Variants in NOX3 observed in about 807,000 individuals in gnomAD.
The protein encoded by NOX3 is NADPH oxidase catalytic subunit-like 3.
NOX3 carries 74 observed loss-of-function variants against 76.7 expected under a neutral mutation model. That is an observed-to-expected ratio of 0.96 (90% confidence interval 0.80 to 1.17). NOX3 has a LOEUF of 1.17. Among genes scored for constraint, NOX3 ranks in the 50% most tolerant of loss-of-function variants. The pLI is 0.00. For missense variants in NOX3, 695 were observed against 703.3 expected, an observed-to-expected ratio of 0.99 and a Z score of 0.13; for synonymous variants, 263 against 261.1, an observed-to-expected ratio of 1.01 and a Z score of -0.07.
At chr6:155,443,543 G>C (rs1490353737) in intron 4 of NOX3, 125 bp from the exon 5 acceptor site, 1 of 1,166,190 alleles carries the variant, frequency 8.6e-7, no homozygotes, top group Non-Finnish European at 1.2e-6. Context: ...AAGGAAAAGT[G>C]ATGTATTTAC....
At chr6:155,452,576 C>T (rs527737581) in intron 4 of NOX3, among the ~76,000 whole-genome samples, 4 of 152,212 alleles carry the variant, frequency 2.6e-5, no homozygotes, top group Middle Eastern at 6.8e-3. Flanking sequence ...ACTCGGGCAC[C>T]GTCTGTCATG....
At chr6:155,409,191 T>C (rs1292216297) in intron 11 of NOX3, among the ~76,000 whole-genome samples, 1 of 152,042 alleles carries the variant, frequency 6.6e-6, no homozygotes, top group Non-Finnish European at 1.5e-5. Context: ...AGTTGGGGTA[T>C]AGGACTCCGA....
chr6:155,452,153 C>T (rs1777153595), intron 4 of NOX3, among the ~76,000 whole-genome samples: 1 of 152,160 alleles, frequency 6.6e-6, no homozygotes. Context: ...GCGATCTGGT[C>T]TCTGTTTGGA....
intron 9 of NOX3, among the ~76,000 whole-genome samples, chr6:155,428,232 C>G (rs1285660721): frequency 6.6e-6 from 1 of 152,182 alleles, no homozygotes; most frequent in African/African-American, 2.4e-5. Flanking sequence ...AGTGTGTCCC[C>G]CATTGATATG....
At position 155,454,935 on chromosome 6, in the gene NOX3, A is replaced by G. The variant is rs753022728; in HGVS notation, c.145-14T>C. The G allele has an allele frequency of 1.3e-6, 2 of 1,599,700 alleles. No individual in the cohort carries two copies. Among genetic ancestry groups the G allele is most frequent in the Non-Finnish European group, 1.7e-6 (2 of 1,169,460 alleles). On this transcript the variant is annotated splice_polypyrimidine_tract_variant and intron_variant, in intron 2 of 13. Coordinates refer to ENST00000159060, the MANE Select transcript of NOX3 (RefSeq NM_015718.3). ...AGCCAGTGTTGACTGTCCACATGTAAAGACATAAAAAAGAGATTCAGGGAA... is the reference window on the plus strand; with the variant it reads ...AGCCAGTGTTGACTGTCCACATGTAGAGACATAAAAAAGAGATTCAGGGAA...
chr6:155,444,673 A>G (rs2114706116), intron 4 of NOX3, among the ~76,000 whole-genome samples: 1 of 152,354 alleles, frequency 6.6e-6, no homozygotes, highest in Non-Finnish European at 1.5e-5. Context: ...TGCAAAAGTT[A>G]CAGCCACAAT....
intron 12 of NOX3, among the ~76,000 whole-genome samples, chr6:155,400,208 C>G (rs1453807830): frequency 6.6e-6 from 1 of 152,196 alleles, no homozygotes; most frequent in African/African-American, 2.4e-5. Flanking sequence ...GAGATTTCAG[C>G]CCAGCAGATA....
At position 155,407,176 on chromosome 6, in the gene NOX3, G is replaced by A. The variant is rs202119099; in HGVS notation, c.1534C>T (p.Pro512Ser). 1.9e-6 allele frequency: 3 copies of A among 1,613,970 alleles called. No homozygotes were observed. Among genetic ancestry groups the A allele is most frequent in the East Asian group, 2.2e-5 (1 of 44,884 alleles). The change falls in exon 12 of 14, where the codon CCC (proline) becomes TCC (serine). Residue 512 changes from proline to serine, a missense_variant. Physicochemically the swap from Pro to Ser is moderately conservative, Grantham distance 74. Coordinates refer to ENST00000159060, the MANE Select transcript of NOX3 (RefSeq NM_015718.3). ...GLKQKTFYGR[P>S]NWNNEFKQIA... is the part of the protein sequence containing the mutation. ...TGCTTGAACTCATTGTTCCAGTTGG[G>A]CCTCCCATAGAAGGTCTTCTGCTTT...
chr6:155,417,900 G>A (rs1415123924), intron 10 of NOX3, among the ~76,000 whole-genome samples: 2 of 152,044 alleles, frequency 1.3e-5, no homozygotes, highest in East Asian at 3.9e-4. Flanking sequence ...AGGCCATTTT[G>A]CATGGGACAC....
chr6:155,442,665 G>T (rs968302385), intron 5 of NOX3, among the ~76,000 whole-genome samples: 8 of 152,190 alleles, frequency 5.3e-5, no homozygotes, highest in African/African-American at 1.9e-4. Context: ...AGATTGCTGT[G>T]GCTACATTTT....
Position 155,422,691 on chromosome 6 carries a change from T to C in NOX3, c.1308+3A>G. 5 of 1,613,636 alleles carry C rather than the reference T, an allele frequency of 3.1e-6. No homozygotes were observed. Among genetic ancestry groups the C allele is most frequent in the South Asian group, 1.1e-5 (1 of 91,016 alleles). ...GAAGGGTGAACTAATGATTTTTCCG[T>C]ACCTTGCTCAGCTTCAGTGGGGTCT... is the stretch of plus-strand genomic sequence containing the variant. On this transcript the variant is annotated splice_donor_region_variant and intron_variant, in intron 10 of 13. Transcript: ENST00000159060.
intron 9 of NOX3, among the ~76,000 whole-genome samples, chr6:155,426,803 A>G (rs1330019230): frequency 6.6e-6 from 1 of 152,166 alleles, no homozygotes; most frequent in Non-Finnish European, 1.5e-5. Context: ...AGTAACCAGT[A>G]CTGAGTTCTT....
At chr6:155,397,492 A>T (rs1779155252) in intron 12 of NOX3, among the ~76,000 whole-genome samples, 1 of 152,192 alleles carries the variant, frequency 6.6e-6, no homozygotes, top group Admixed American at 6.5e-5. Flanking sequence ...GGTCTGTTTT[A>T]TTCCAGCACC....
At chr6:155,448,645 A>G (rs1777095566) in intron 4 of NOX3, among the ~76,000 whole-genome samples, 1 of 151,026 alleles carries the variant, frequency 6.6e-6, no homozygotes, top group Non-Finnish European at 1.5e-5. Context: ...GTGAACCAAA[A>G]AAAAAAAAAA....
intron 4 of NOX3, among the ~76,000 whole-genome samples, chr6:155,451,611 C>T (rs1410297590): frequency 6.6e-6 from 1 of 151,948 alleles, no homozygotes; most frequent in Non-Finnish European, 1.5e-5. Flanking sequence ...TTATTCTTTG[C>T]TTTCTTTTCT....
At chr6:155,450,197 T>A (rs1324868162) in intron 4 of NOX3, among the ~76,000 whole-genome samples, 1 of 151,746 alleles carries the variant, frequency 6.6e-6, no homozygotes, top group Non-Finnish European at 1.5e-5. Flanking sequence ...AGCAGTGGGG[T>A]TCAGGAGGAA....
intron 12 of NOX3, among the ~76,000 whole-genome samples, chr6:155,404,384 G>A (rs1776418955): frequency 6.6e-6 from 1 of 152,032 alleles, no homozygotes; most frequent in African/African-American, 2.4e-5. Context: ...AGCCAGGATG[G>A]GTTGGAAGCA....
chr6:155,428,148 G>A (rs1451933713), intron 9 of NOX3, among the ~76,000 whole-genome samples: 5 of 152,208 alleles, frequency 3.3e-5, no homozygotes, highest in East Asian at 1.9e-4. Flanking sequence ...TGATCCGCCC[G>A]CCTTGGCTTC....
chr6:155,437,879 T>A (rs1225799305), intron 6 of NOX3, among the ~76,000 whole-genome samples: 1 of 152,216 alleles, frequency 6.6e-6, no homozygotes, highest in Non-Finnish European at 1.5e-5. Flanking sequence ...GTGTAGAATT[T>A]GCAAATTGCT....
Sources: gnomAD v4.1 joint callset for allele counts (sites outside exome capture counted in the v4.1 genomes callset) on GRCh38, gnomAD v4.1.1 for gene constraint, MANE v1.5 for transcripts, NCBI Gene and HGNC (gene_info 2026-07-23, HGNC 2026-07-21) for gene names.